The following SAMD5 variants were observed in gnomAD, a reference collection of about 807,000 sequenced individuals.
SAMD5 encodes sterile alpha motif domain-containing protein 5.
In SAMD5, 13 loss-of-function variants were observed where a neutral mutation model predicts 11.3. The observed-to-expected ratio is 1.15, with a 90% CI of 0.75 to 1.83. The LOEUF (loss-of-function observed/expected upper bound fraction) is 1.83. Ranked by LOEUF, SAMD5 falls within the 40% of genes most tolerant of loss-of-function variation. SAMD5 has a pLI of 0.00. For missense variants in SAMD5, 255 were observed against 239.1 expected (o/e 1.07, Z -0.44); for synonymous variants, 129 against 111.3 (o/e 1.16, Z -1.00).
the SAMD5 span, among the ~76,000 whole-genome samples, chr6:147,949,333 G>A: frequency 5.6e-4 from 86 of 152,228 alleles, no homozygotes; most frequent in African/African-American, 1.8e-3. Flanking sequence ...AACTCAGACC[G>A]CAGTAATATA....
chr6:147,766,572 C>T, the SAMD5 span, among the ~76,000 whole-genome samples: 3 of 152,138 alleles, frequency 2.0e-5, no homozygotes, highest in African/African-American at 7.2e-5. Flanking sequence ...TATGCCCAGG[C>T]ATAGTATCAA....
rs537398135 is a variant in SAMD5, at chr6:147,563,516, C to CTTCTTCCTTCCAACTTTCCTT, written c.460-869_460-849dup. 1.6e-4 allele frequency among the ~76,000 whole-genome samples: 25 copies of CTTCTTCCTTCCAACTTTCCTT among 152,292 alleles called. No individual in the cohort carries two copies. In the South Asian group the frequency reaches 4.8e-3, roughly 29 times the overall value. ...AATTTCCAGGAAAGACTCAGGCATC[C>CTTCTTCCTTCCAACTTTCCTT]TTCTTCCTTCCAACTTTCCTTTTCT... On this transcript the variant is annotated intron_variant, in intron 1 of 1. Coordinates refer to ENST00000367474, the MANE Select transcript of SAMD5 (RefSeq NM_001030060.3).
chr6:147,726,812 G>A (rs942440386), intron 1 of SAMD5, among the ~76,000 whole-genome samples: 3 of 152,140 alleles, frequency 2.0e-5, no homozygotes, highest in South Asian at 2.1e-4. Flanking sequence ...GAGGGCTTAC[G>A]GCAGCACCTG....
At chr6:147,775,816 G>A in the SAMD5 span, among the ~76,000 whole-genome samples, 2 of 152,162 alleles carry the variant, frequency 1.3e-5, no homozygotes, top group Non-Finnish European at 2.9e-5. Flanking sequence ...CACTTTCCCA[G>A]CTGTGTGATC....
intron 1 of SAMD5, among the ~76,000 whole-genome samples, chr6:147,592,960 G>A (rs527345469): frequency 6.6e-6 from 1 of 152,278 alleles, no homozygotes; most frequent in South Asian, 2.1e-4. Flanking sequence ...GAGACTTCAG[G>A]ATCATGTAGT....
At position 147,567,266 on chromosome 6, in the gene SAMD5, G is replaced by A. The variant is rs1162742449; in HGVS notation, c.*2810G>A. 9.1e-6 allele frequency: 9 copies of A among 985,164 alleles called. No individual in the cohort carries two copies. Among genetic ancestry groups the A allele is most frequent in the African/African-American group, 1.7e-5 (1 of 57,238 alleles). The allele number at this position is 985,164 out of a possible 1,614,324, so 61.0% of individuals were successfully genotyped here. ...GGAAAACTGAATTTATAGCAACAAAGGATAGTAGTTTCTCAACTGGGAGCA... is the reference window on the plus strand; with the variant it reads ...GGAAAACTGAATTTATAGCAACAAAAGATAGTAGTTTCTCAACTGGGAGCA... On this transcript the variant is annotated 3_prime_UTR_variant, in exon 2 of 2. Coordinates refer to ENST00000367474, the MANE Select transcript of SAMD5 (RefSeq NM_001030060.3).
chr6:147,658,059 C>T (rs1790595898), intron 1 of SAMD5, among the ~76,000 whole-genome samples: 1 of 152,188 alleles, frequency 6.6e-6, no homozygotes, highest in Admixed American at 6.5e-5. Context: ...TTCTCACATG[C>T]ATCCAAAGGG....
chr6:147,950,307 C>T, the SAMD5 span, among the ~76,000 whole-genome samples: 3 of 152,166 alleles, frequency 2.0e-5, no homozygotes, highest in South Asian at 6.2e-4. Flanking sequence ...AGCTTAACTT[C>T]CTGTAGGTTC....
At chr6:147,870,935 A>T in the SAMD5 span, among the ~76,000 whole-genome samples, 1 of 152,110 alleles carries the variant, frequency 6.6e-6, no homozygotes, top group Non-Finnish European at 1.5e-5. Flanking sequence ...TTGAGGATAA[A>T]GTCCACATTT....
At chr6:147,690,999 G>A (rs1409606560) in intron 1 of SAMD5, among the ~76,000 whole-genome samples, 2 of 140,634 alleles carry the variant, frequency 1.4e-5, no homozygotes, top group African/African-American at 2.6e-5. Context: ...GGGATCGGGG[G>A]TGTGGGGGTG....
intron 1 of SAMD5, among the ~76,000 whole-genome samples, chr6:147,627,372 A>G (rs1790070893): frequency 6.6e-6 from 1 of 152,206 alleles, no homozygotes; most frequent in Middle Eastern, 3.2e-3. Flanking sequence ...AGGAATTTTT[A>G]TCATACTAAT....
At chr6:147,673,123 C>T (rs769109824) in intron 1 of SAMD5, among the ~76,000 whole-genome samples, 5 of 152,090 alleles carry the variant, frequency 3.3e-5, no homozygotes, top group Admixed American at 2.0e-4. Flanking sequence ...CTCCTTGGCT[C>T]TTACAGAAAT....
At chr6:147,810,959 A>G in the SAMD5 span, among the ~76,000 whole-genome samples, 1 of 152,224 alleles carries the variant, frequency 6.6e-6, no homozygotes, top group African/African-American at 2.4e-5. Context: ...ACAAAGGACC[A>G]AGTGAGAACA....
chr6:147,909,026 T>G, the SAMD5 span, among the ~76,000 whole-genome samples: 3 of 152,064 alleles, frequency 2.0e-5, no homozygotes. Context: ...CTGGGCAACA[T>G]AGAGAGACTA....
chr6:147,605,634 C>A lies in SAMD5; in HGVS notation c.162+96247C>A, dbSNP rs570154284. ...AAAAAATATTAACCCATTTTTAAAACCTATTGAAATTCCATTAAAATCAGA... is the reference window on the plus strand; with the variant it reads ...AAAAAATATTAACCCATTTTTAAAAACTATTGAAATTCCATTAAAATCAGA... On this transcript the variant is annotated intron_variant, in intron 1 of 1. Transcript: ENST00000566741. Among the ~76,000 whole-genome samples, 4 of 152,160 alleles carry A rather than the reference C, an allele frequency of 2.6e-5. 1 individual carries two copies. In the South Asian group the frequency reaches 8.3e-4, roughly 32 times the overall value.
chr6:147,542,443 G>A (rs989758692), intron 1 of SAMD5, among the ~76,000 whole-genome samples: 7 of 152,176 alleles, frequency 4.6e-5, no homozygotes, highest in African/African-American at 1.4e-4. Context: ...CGTCTGTGTG[G>A]GAGACTGGAG....
intron 1 of SAMD5, among the ~76,000 whole-genome samples, chr6:147,562,691 G>A (rs1043288888): frequency 6.6e-6 from 1 of 151,970 alleles, no homozygotes; most frequent in African/African-American, 2.4e-5. Context: ...GCTTGGTGGC[G>A]GGCGCCTGTA....
intron 1 of SAMD5, among the ~76,000 whole-genome samples, chr6:147,605,528 A>G (rs1338422597): frequency 2.6e-5 from 4 of 152,264 alleles, no homozygotes; most frequent in Admixed American, 2.0e-4. Flanking sequence ...ACCATGTAGT[A>G]TGCTTGGAAA....
At chr6:147,932,156 A>G in the SAMD5 span, among the ~76,000 whole-genome samples, 2 of 152,236 alleles carry the variant, frequency 1.3e-5, no homozygotes, top group Non-Finnish European at 1.5e-5. Flanking sequence ...GAACCAGATA[A>G]GACAAGCATT....
Sources: gnomAD v4.1 joint callset for allele counts (sites outside exome capture counted in the v4.1 genomes callset) on GRCh38, gnomAD v4.1.1 for gene constraint, MANE v1.5 for transcripts, NCBI Gene and HGNC (gene_info 2026-07-23, HGNC 2026-07-21) for gene names.